The following PFKP variants were observed in gnomAD, a reference collection of about 807,000 sequenced individuals.
The protein encoded by PFKP is ATP-dependent 6-phosphofructokinase, platelet type.
Under a neutral mutation model 94.3 loss-of-function variants are expected in PFKP, and 101 were observed. That is an observed-to-expected ratio of 1.07 (90% CI 0.91 to 1.26). The LOEUF (loss-of-function observed/expected upper bound fraction) is 1.26, where lower values mean the gene tolerates loss of function less well. Ranked by LOEUF, PFKP falls within the 50% of genes most tolerant of loss-of-function variation. The probability of loss-of-function intolerance (pLI) is 0.00; values close to 1 mark genes in which losing one functional copy is unlikely to be tolerated. For missense variants in PFKP, 1,145 were observed against 1,103.3 expected (o/e 1.04, Z -0.53); for synonymous variants, 573 against 432.6 (o/e 1.32, Z -4.03).
intron 3 of PFKP, chr10:3,101,006 T>TG (rs770481401): frequency 1.7e-4 from 279 of 1,610,410 alleles, no homozygotes; most frequent in Non-Finnish European, 2.2e-4. Flanking sequence ...TGGTGGTCAG[T>TG]GGGCTTGTCT....
At chr10:3,134,903 A>AT (rs927681265) in intron 20 of PFKP, among the ~76,000 whole-genome samples, 1 of 152,242 alleles carries the variant, frequency 6.6e-6, no homozygotes, top group African/African-American at 2.4e-5. Context: ...GGGGCCTTCT[A>AT]TTTTTTGAAT....
intron 5 of PFKP, 52 bp downstream of exon 5, chr10:3,103,996 C>T: frequency 6.4e-7 from 1 of 1,556,088 alleles, no homozygotes; most frequent in Non-Finnish European, 8.8e-7. Flanking sequence ...GACGTGTGCC[C>T]AGCTCAGACG....
chr10:3,101,740 C>A (rs990082164), intron 4 of PFKP, among the ~76,000 whole-genome samples, 186 bp downstream of exon 4: 24 of 152,230 alleles, frequency 1.6e-4, no homozygotes, highest in Non-Finnish European at 2.1e-4. Context: ...AGTAATTTAA[C>A]CTTACCATGT....
intron 10 of PFKP, 91 bp from the exon 11 acceptor site, chr10:3,112,131 G>GTC (rs1395728062): frequency 5.8e-6 from 6 of 1,043,150 alleles, no homozygotes; most frequent in Admixed American, 1.7e-5. Context: ...GAGGGGGCTG[G>GTC]TGGGAAGGAC....
chr10:3,126,634 C>G (rs17132578), intron 16 of PFKP, among the ~76,000 whole-genome samples: 9,701 of 152,298 alleles, frequency 0.064, 537 homozygotes, highest in East Asian at 0.28. Context: ...CATGGGAAAA[C>G]TGGCCTCCCT....
intron 2 of PFKP, among the ~76,000 whole-genome samples, chr10:3,094,165 A>G (rs759202129): frequency 6.6e-5 from 10 of 152,154 alleles, no homozygotes; most frequent in Non-Finnish European, 1.2e-4. Context: ...GGTTTGCTGT[A>G]AGGTCACTGC....
Position 3,105,501 on chromosome 10 carries a change from G to C in PFKP, c.774G>C (p.Glu258Asp). The C allele has an allele frequency of 6.2e-7, 1 of 1,600,384 alleles. No individual in the cohort carries two copies. Among genetic ancestry groups the C allele is most frequent in the Non-Finnish European group, 8.6e-7 (1 of 1,167,616 alleles). Residue 258 changes from glutamate to aspartate, a missense_variant and splice_region_variant, in exon 7 of 22, where the codon GAG (glutamate) becomes GAC (aspartate). By Grantham distance (45) the Glu-to-Asp change is conservative. Coordinates refer to ENST00000381125, the MANE Select transcript of PFKP (RefSeq NM_002627.5). ...WEEQMCVKLS[E>D]NRARKKRLNI... ...AGCAGATGTGTGTCAAACTCTCGGAGGTAATGCGGGTCCCGTGGCCGTTGA... is the reference window on the plus strand; with the variant it reads ...AGCAGATGTGTGTCAAACTCTCGGACGTAATGCGGGTCCCGTGGCCGTTGA...
intron 4 of PFKP, among the ~76,000 whole-genome samples, chr10:3,102,842 A>C (rs528940857): frequency 6.6e-6 from 1 of 152,326 alleles, no homozygotes; most frequent in East Asian, 1.9e-4. Flanking sequence ...CTCGTAGGGG[A>C]TGGAGAAGGC....
At chr10:3,105,006 C>G in intron 5 of PFKP, 109 bp from the exon 6 acceptor site, 1 of 1,066,998 alleles carries the variant, frequency 9.4e-7, no homozygotes, top group Non-Finnish European at 1.4e-6. Flanking sequence ...ACTCGGCTGT[C>G]AAAGCCCCTT....
Position 3,119,898 on chromosome 10 carries a change from C to G in PFKP, c.1537C>G (p.Leu513Val), listed in dbSNP as rs886148332. 1.1e-5 allele frequency: 17 copies of G among 1,614,100 alleles called. No homozygotes were observed. Among genetic ancestry groups the G allele is most frequent in the Non-Finnish European group, 1.4e-5 (17 of 1,179,996 alleles). ...TCCCACGCTTGTCTGACAGGCCTAC[C>G]TGGGACTCCTGGAGCTGTCAGCCGC... Reference protein sequence around the residue: ...LLIIGGFEAYLGLLELSAARE... With the variant: ...LLIIGGFEAYVGLLELSAARE... Residue 513 changes from leucine (L) to valine (V), a missense_variant, in exon 16 of 22, where the codon CTG becomes GTG. This residue lies in a region of PFKP where 1,119 missense variants were observed against 1,062.8 expected (regional missense o/e 1.05). Transcript: ENST00000381125.
At chr10:3,133,379 C>A in intron 19 of PFKP, 65 bp downstream of exon 19, 5 of 1,019,748 alleles carry the variant, frequency 4.9e-6, no homozygotes, top group South Asian at 1.3e-5. Context: ...AGATTAGTGT[C>A]TTATTTTAGC....
At chr10:3,116,549 C>T (rs1836844551) in intron 13 of PFKP, among the ~76,000 whole-genome samples, 2 of 152,290 alleles carry the variant, frequency 1.3e-5, no homozygotes, top group Middle Eastern at 3.4e-3. Context: ...GAGGCCCCGA[C>T]AGGCAGGGAG....
intron 1 of PFKP, among the ~76,000 whole-genome samples, chr10:3,077,601 A>G (rs1323033797): frequency 1.3e-5 from 2 of 151,888 alleles, no homozygotes; most frequent in African/African-American, 2.4e-5. Flanking sequence ...TGCAATTTAG[A>G]TTTTATCAGA....
At chr10:3,073,832 T>C (rs1832380210) in intron 1 of PFKP, among the ~76,000 whole-genome samples, 1 of 151,918 alleles carries the variant, frequency 6.6e-6, no homozygotes, top group Non-Finnish European at 1.5e-5. Context: ...TGTGTTTTTT[T>C]TGTTTGTTTG....
intron 10 of PFKP, among the ~76,000 whole-genome samples, chr10:3,111,144 CTGTG>C (rs1287022796): frequency 1.3e-5 from 2 of 150,296 alleles, no homozygotes; most frequent in South Asian, 2.1e-4. Context: ...GTGTGCATGT[CTGTG>C]TGTGCATGTG....
intron 17 of PFKP, 81 bp from the exon 18 acceptor site, chr10:3,132,299 A>C: frequency 9.8e-7 from 1 of 1,023,856 alleles, no homozygotes; most frequent in Non-Finnish European, 1.5e-6. Context: ...CTTGGTTGGC[A>C]CTTCCCAGCC....
chr10:3,106,979 C>T (rs112889383), intron 7 of PFKP, among the ~76,000 whole-genome samples: 1 of 48,636 alleles, frequency 2.1e-5, no homozygotes, highest in Non-Finnish European at 3.8e-5. Context: ...GCCCCTTCAC[C>T]CCTGCCCCTC....
chr10:3,108,183 C>G lies in PFKP; in HGVS notation c.871-518C>G, dbSNP rs1285892808. Among the ~76,000 whole-genome samples, 5 of 152,284 alleles carry G rather than the reference C, an allele frequency of 3.3e-5. No individual in the cohort carries two copies. In the East Asian group the frequency reaches 9.7e-4, roughly 29 times the overall value. ...AGAAGGAACCAAGGAATTTACGTAGCCCAGCCCCACTGTCCTTACAGAGGA... is the reference window on the plus strand; with the variant it reads ...AGAAGGAACCAAGGAATTTACGTAGGCCAGCCCCACTGTCCTTACAGAGGA... On this transcript the variant is annotated intron_variant, in intron 8 of 21. Transcript: ENST00000381125.
At chr10:3,112,189 C>T (rs1434621412) in intron 10 of PFKP, 33 bp from the exon 11 acceptor site, 3 of 1,575,102 alleles carry the variant, frequency 1.9e-6, no homozygotes, top group Non-Finnish European at 2.6e-6. Flanking sequence ...GGTCCTGACA[C>T]ATTCTTTCTT....
Sources: gnomAD v4.1 joint callset for allele counts (sites outside exome capture counted in the v4.1 genomes callset) on GRCh38, gnomAD v4.1.1 for gene constraint, gnomAD v4.1.1 regional missense constraint, MANE v1.5 for transcripts, NCBI Gene and HGNC (gene_info 2026-07-23, HGNC 2026-07-21) for gene names.